The following GRIA3 variants were observed in gnomAD, a reference collection of about 807,000 sequenced individuals.
GRIA3 encodes glutamate receptor 3.
Under a neutral mutation model 63.0 loss-of-function variants are expected in GRIA3, and 3 were observed. That is an observed-to-expected ratio of 0.05 (90% CI 0.02 to 0.12). The LOEUF (loss-of-function observed/expected upper bound fraction) is 0.12. GRIA3 is among the 10% of genes least tolerant of loss of function. The pLI is 1.00. For missense variants in GRIA3, 347 were observed against 700.9 expected (o/e 0.50, Z 5.70); for synonymous variants, 274 against 257.9 (o/e 1.06, Z -0.60).
chrX:123,360,519 T>TAA (rs752270406), intron 5 of GRIA3, among the ~76,000 whole-genome samples: 30 of 42,334 alleles, frequency 7.1e-4, no homozygotes, highest in South Asian at 1.9e-3. Context: ...TGTCTCTACT[T>TAA]AAAAAAAAAA....
Position 123,232,181 on chromosome X carries a change from G to A in GRIA3, c.269-21122G>A, listed in dbSNP as rs887066924. Among the ~76,000 whole-genome samples, 16 of 111,939 alleles carry A rather than the reference G, an allele frequency of 1.4e-4. 1 individual carries two copies. The Middle Eastern group carries it at 0.019, about 130-fold the overall frequency. On this transcript the variant is annotated intron_variant, in intron 2 of 15. Coordinates refer to ENST00000620443, the MANE Select transcript of GRIA3 (RefSeq NM_007325.5). ...AGATGACATAGCAGTAGGTCAGCAG[G>A]CAACAACCAGACCTTAACCCCTTCC...
chrX:123,229,875 A>G (rs900148054), intron 2 of GRIA3, among the ~76,000 whole-genome samples: 6 of 111,752 alleles, frequency 5.4e-5, no homozygotes, highest in Admixed American at 4.8e-4. Flanking sequence ...GTATCTGACA[A>G]ATAGTGAGTG....
intron 3 of GRIA3, among the ~76,000 whole-genome samples, chrX:123,304,520 C>T: frequency 8.9e-6 from 1 of 111,787 alleles, no homozygotes; most frequent in Non-Finnish European, 1.9e-5. Flanking sequence ...TTCCTCCAGG[C>T]TCCTTCTCTT....
At chrX:123,451,471 C>T (rs192497052) in intron 12 of GRIA3, among the ~76,000 whole-genome samples, 1,394 of 79,025 alleles carry the variant, frequency 0.018, 19 homozygotes, top group Middle Eastern at 0.12. Flanking sequence ...CACAAGTGCA[C>T]GCCAGCCTGG....
intron 3 of GRIA3, among the ~76,000 whole-genome samples, chrX:123,314,970 G>A (rs1209590987): frequency 8.9e-6 from 1 of 112,018 alleles, no homozygotes; most frequent in Non-Finnish European, 1.9e-5. Context: ...CATCCTTCAT[G>A]AAGGAGGTCA....
chrX:123,366,805 G>A (rs1340001077), intron 5 of GRIA3, among the ~76,000 whole-genome samples: 2 of 111,675 alleles, frequency 1.8e-5, no homozygotes, highest in African/African-American at 6.5e-5. Flanking sequence ...GGTTAGAGAA[G>A]GGAGTTTTAG....
At chrX:123,281,938 G>T (rs2044588334) in intron 3 of GRIA3, among the ~76,000 whole-genome samples, 1 of 111,507 alleles carries the variant, frequency 9.0e-6, no homozygotes, top group African/African-American at 3.3e-5. Flanking sequence ...TGTGGCCTTG[G>T]AGAGTTTATA....
intron 5 of GRIA3, among the ~76,000 whole-genome samples, chrX:123,375,146 G>T (rs746722512): frequency 9.0e-6 from 1 of 111,495 alleles, no homozygotes; most frequent in Non-Finnish European, 1.9e-5. Flanking sequence ...TTATCATGAA[G>T]GGATGTTGAA....
chrX:123,426,158 T>C (rs1009046077), intron 11 of GRIA3, among the ~76,000 whole-genome samples: 2 of 111,424 alleles, frequency 1.8e-5, no homozygotes, highest in African/African-American at 3.3e-5. Flanking sequence ...TGGGAGAACA[T>C]AGCGTAACTA....
At chrX:123,355,395 C>T (rs2045125953) in intron 5 of GRIA3, among the ~76,000 whole-genome samples, 1 of 111,854 alleles carries the variant, frequency 8.9e-6, no homozygotes, top group Admixed American at 9.5e-5. Flanking sequence ...GAGTAGGTTT[C>T]AACACAGTAC....
intron 3 of GRIA3, among the ~76,000 whole-genome samples, chrX:123,296,592 C>T (rs190612378): frequency 3.6e-5 from 4 of 111,402 alleles, no homozygotes; most frequent in African/African-American, 1.3e-4. Flanking sequence ...CAATAATATA[C>T]GGTGGAAAAT....
chrX:123,467,734 C>A (rs2045842035), intron 13 of GRIA3, among the ~76,000 whole-genome samples: 1 of 111,708 alleles, frequency 9.0e-6, no homozygotes, highest in Non-Finnish European at 1.9e-5. Context: ...TTTCAGATAA[C>A]CAGACGTTTG....
chrX:123,228,465 A>G (rs1322467807), intron 2 of GRIA3, among the ~76,000 whole-genome samples: 1 of 111,542 alleles, frequency 9.0e-6, no homozygotes, highest in African/African-American at 3.3e-5. Context: ...GGGTCCAATG[A>G]CATGAGACTA....
intron 14 of GRIA3, among the ~76,000 whole-genome samples, chrX:123,481,408 A>G (rs1002255513): frequency 5.3e-5 from 6 of 112,429 alleles, no homozygotes; most frequent in Non-Finnish European, 7.5e-5. Flanking sequence ...TCTGAATGCA[A>G]TTCAATTTCA....
At chrX:123,257,453 GGAAGAGAAA>G (rs1235010345) in intron 3 of GRIA3, among the ~76,000 whole-genome samples, 2 of 106,238 alleles carry the variant, frequency 1.9e-5, no homozygotes, top group Non-Finnish European at 3.9e-5. Context: ...AGATAGGAAG[GGAAGAGAAA>G]GAAGAGAAGG....
chrX:123,408,258 G>A (rs770919153), intron 10 of GRIA3, among the ~76,000 whole-genome samples: 1 of 111,707 alleles, frequency 9.0e-6, no homozygotes, highest in African/African-American at 3.3e-5. Context: ...GAGTCACCAC[G>A]CCCAGGCTAA....
At position 123,260,495 on chromosome X, in the gene GRIA3, A is replaced by G. The variant is rs192178279; in HGVS notation, c.508+6953A>G. Among the ~76,000 whole-genome samples the G allele has an allele frequency of 2.1e-3, 16 of 7,718 alleles. 1 individual carries two copies. The highest frequency in any genetic ancestry group is 3.0e-3 in the African/African-American group (10 of 3,374). The allele number at this position is 7,718 out of a possible 115,157, so 6.7% of individuals were successfully genotyped here. On this transcript the variant is annotated intron_variant, in intron 3 of 15. Transcript: ENST00000620443. ...AGAAAGGAAAGAAAGAAAGAAAGAA[A>G]GAAAGAAAGAAAGAAAGAAAGAAAG...
At chrX:123,283,616 A>C (rs2044599869) in intron 3 of GRIA3, among the ~76,000 whole-genome samples, 3 of 111,165 alleles carry the variant, frequency 2.7e-5, no homozygotes, top group Non-Finnish European at 5.7e-5. Flanking sequence ...TCACAGTGTA[A>C]ACAAAGCCAC....
At chrX:123,283,003 A>G (rs973249779) in intron 3 of GRIA3, among the ~76,000 whole-genome samples, 18 of 112,157 alleles carry the variant, frequency 1.6e-4, no homozygotes, top group African/African-American at 5.5e-4. Flanking sequence ...AGTGAGATCA[A>G]CACAGAAGGC....
Sources: gnomAD v4.1 joint callset for allele counts (sites outside exome capture counted in the v4.1 genomes callset) on GRCh38, gnomAD v4.1.1 for gene constraint, MANE v1.5 for transcripts, NCBI Gene and HGNC (gene_info 2026-07-23, HGNC 2026-07-21) for gene names.